The following SFMBT2 variants were observed in gnomAD, a reference collection of about 807,000 sequenced individuals.
SFMBT2 encodes the protein Scm like with four mbt domains 2.
In SFMBT2, 38 loss-of-function variants were observed where a neutral mutation model predicts 110.1. The observed-to-expected ratio is 0.35, with a 90% CI of 0.27 to 0.45. The LOEUF (loss-of-function observed/expected upper bound fraction) is 0.45. Ranked by LOEUF, SFMBT2 falls within the 20% of genes least tolerant of loss-of-function variation. The pLI is 1.00. For missense variants in SFMBT2, 1,011 were observed against 1,094.9 expected (o/e 0.92, Z 1.08); for synonymous variants, 425 against 425.4 (o/e 1.00, Z 0.01).
chr10:7,385,445 C>T (rs745937060), intron 1 of SFMBT2, among the ~76,000 whole-genome samples: 55 of 151,958 alleles, frequency 3.6e-4, no homozygotes, highest in Non-Finnish European at 7.5e-4. Context: ...GAAGGGTGTG[C>T]AACTGAAGGA....
At chr10:7,317,588 C>T (rs1270843398) in intron 4 of SFMBT2, among the ~76,000 whole-genome samples, 4 of 131,806 alleles carry the variant, frequency 3.0e-5, no homozygotes, top group African/African-American at 1.2e-4. Context: ...TTGCGGTGAG[C>T]GAAGATCATG....
intron 4 of SFMBT2, among the ~76,000 whole-genome samples, chr10:7,338,621 G>C (rs1843792318): frequency 6.6e-6 from 1 of 152,256 alleles, no homozygotes; most frequent in Non-Finnish European, 1.5e-5. Context: ...GGAGGAGTAG[G>C]AAGCGGAGTT....
intron 2 of SFMBT2, among the ~76,000 whole-genome samples, chr10:7,373,109 A>G (rs1277722765): frequency 1.3e-5 from 2 of 152,224 alleles, no homozygotes; most frequent in Non-Finnish European, 2.9e-5. Context: ...TATCTGGGTC[A>G]TGGGGGCAGA....
At chr10:7,396,372 G>C (rs1039973006) in intron 1 of SFMBT2, among the ~76,000 whole-genome samples, 2 of 152,184 alleles carry the variant, frequency 1.3e-5, no homozygotes, top group Non-Finnish European at 1.5e-5. Flanking sequence ...TTTTCTGTTA[G>C]TTGGTCAAAT....
intron 11 of SFMBT2, among the ~76,000 whole-genome samples, chr10:7,210,268 T>C (rs977991150): frequency 2.0e-5 from 3 of 152,208 alleles, no homozygotes; most frequent in Non-Finnish European, 4.4e-5. Context: ...GAGATGCTTA[T>C]GGCTTGGGAG....
chr10:7,320,516 T>C, intron 4 of SFMBT2: 1 of 797,194 alleles, frequency 1.3e-6, no homozygotes, highest in Non-Finnish European at 1.5e-6. Context: ...ATCACTGGAG[T>C]ATTTTCTTAT....
At chr10:7,397,777 GC>G (rs1845967200) in intron 1 of SFMBT2, among the ~76,000 whole-genome samples, 1 of 152,210 alleles carries the variant, frequency 6.6e-6, no homozygotes, top group Non-Finnish European at 1.5e-5. Context: ...CGTGTTAAGT[GC>G]CAAGCACTAT....
intron 1 of SFMBT2, among the ~76,000 whole-genome samples, chr10:7,385,931 C>A (rs1845591600): frequency 6.6e-6 from 1 of 152,106 alleles, no homozygotes; most frequent in Non-Finnish European, 1.5e-5. Context: ...ACCCGGGAGG[C>A]AGAGCTTGCA....
At chr10:7,402,977 G>A (rs1480727487) in intron 1 of SFMBT2, among the ~76,000 whole-genome samples, 1 of 152,194 alleles carries the variant, frequency 6.6e-6, no homozygotes, top group Non-Finnish European at 1.5e-5. Flanking sequence ...CATTCAGGGG[G>A]AGAAAACTGA....
At chr10:7,200,536 T>G in intron 13 of SFMBT2, 52 bp from the exon 14 acceptor site, 61 of 1,419,482 alleles carry the variant, frequency 4.3e-5, no homozygotes, top group South Asian at 5.2e-5. Flanking sequence ...TAGAAGGAAC[T>G]ACTACATTCC....
chr10:7,396,095 TGTG>T (rs778179840), intron 1 of SFMBT2, among the ~76,000 whole-genome samples: 81 of 152,022 alleles, frequency 5.3e-4, no homozygotes, highest in Non-Finnish European at 1.1e-3. Context: ...ATTAACCAGG[TGTG>T]GTGGTGGGCA....
intron 4 of SFMBT2, among the ~76,000 whole-genome samples, chr10:7,354,606 A>C (rs1411337284): frequency 6.6e-6 from 1 of 152,152 alleles, no homozygotes; most frequent in Non-Finnish European, 1.5e-5. Flanking sequence ...CGCGTGCCCA[A>C]ATCATCCTTA....
chr10:7,274,667 G>C (rs1841709869), intron 7 of SFMBT2, among the ~76,000 whole-genome samples: 1 of 152,112 alleles, frequency 6.6e-6, no homozygotes, highest in South Asian at 2.1e-4. Context: ...CCCAGTCTCA[G>C]GTATGTCTTC....
At chr10:7,206,162 G>C (rs1839130213) in intron 11 of SFMBT2, 1 of 985,288 alleles carries the variant, frequency 1.0e-6, no homozygotes, top group Non-Finnish European at 1.2e-6. Flanking sequence ...GGGGTTCAGA[G>C]AAAACGAAGG....
rs572355774 is a variant in SFMBT2, at chr10:7,320,351, C to T, written c.437-34397G>A. On this transcript the variant is annotated intron_variant, in intron 4 of 20. Transcript: ENST00000397167. ...AAGTGTTCTCTACCATCTTGCCCCG[C>T]GGTATAAATGAAACAAGCCGGAGGG... 3.3e-5 allele frequency among the ~76,000 whole-genome samples: 5 copies of T among 152,266 alleles called. No homozygotes were observed. The South Asian group carries it at 6.2e-4, about 19-fold the overall frequency.
chr10:7,345,463 A>G (rs1427716174), intron 4 of SFMBT2, among the ~76,000 whole-genome samples: 2 of 152,142 alleles, frequency 1.3e-5, no homozygotes, highest in African/African-American at 2.4e-5. Context: ...GGTTAAAGCA[A>G]TTCTCCTGCC....
intron 10 of SFMBT2, among the ~76,000 whole-genome samples, chr10:7,223,424 T>C (rs1311167011): frequency 6.6e-6 from 1 of 152,216 alleles, no homozygotes; most frequent in Admixed American, 6.5e-5. Context: ...ATACATCTTC[T>C]TTGATGAAAT....
chr10:7,239,983 A>G (rs1840382367), intron 9 of SFMBT2, among the ~76,000 whole-genome samples: 1 of 152,192 alleles, frequency 6.6e-6, no homozygotes. Context: ...TAAAATAAGT[A>G]AGGTTGATGA....
intron 1 of SFMBT2, among the ~76,000 whole-genome samples, chr10:7,402,900 C>T (rs1167000871): frequency 1.3e-5 from 2 of 152,186 alleles, no homozygotes; most frequent in Admixed American, 1.3e-4. Flanking sequence ...AGCTCTCTTC[C>T]CCCAGCTTTC....
Sources: allele counts gnomAD v4.1 joint callset (sites outside exome capture counted in the v4.1 genomes callset), GRCh38; gene constraint gnomAD v4.1.1; transcripts MANE v1.5; gene names NCBI Gene and HGNC (gene_info 2026-07-23, HGNC 2026-07-21).